Variants in DOCK7 observed in about 807,000 individuals in gnomAD.
DOCK7 encodes dedicator of cytokinesis 7.
Under a neutral mutation model 271.0 loss-of-function variants are expected in DOCK7, and 138 were observed. The ratio of observed to expected loss-of-function variants is 0.51; its 90% CI spans 0.44 to 0.59. The LOEUF (loss-of-function observed/expected upper bound fraction) is 0.59. DOCK7 is among the 20% of genes least tolerant of loss of function. The pLI, the probability that DOCK7 is intolerant of heterozygous loss-of-function variation, is 0.00. For missense variants in DOCK7, 2,066 were observed against 2,592.4 expected, an observed-to-expected ratio of 0.80 and a Z score of 4.41; for synonymous variants, 823 against 876.1, an observed-to-expected ratio of 0.94 and a Z score of 1.07.
chr1:62,685,019 G>A (rs1373494879), intron 1 of DOCK7, among the ~76,000 whole-genome samples: 1 of 152,170 alleles, frequency 6.6e-6, no homozygotes, highest in Non-Finnish European at 1.5e-5. Context: ...TTTTCACAGA[G>A]CAACAAATTT....
chr1:62,511,918 G>GTCTATTATTGA (rs1644498328), intron 33 of DOCK7, among the ~76,000 whole-genome samples: 1 of 151,994 alleles, frequency 6.6e-6, no homozygotes, highest in African/African-American at 2.4e-5. Context: ...GACCTAATAA[G>GTCTATTATTGA]CCAATGTCTA....
intron 14 of DOCK7, among the ~76,000 whole-genome samples, chr1:62,613,380 T>A (rs1040073239): frequency 6.6e-6 from 1 of 152,124 alleles, no homozygotes; most frequent in African/African-American, 2.4e-5. Flanking sequence ...CCCTCTTCAG[T>A]TAACCCTATG....
chr1:62,647,813 T>C, intron 6 of DOCK7, 37 bp from the exon 7 acceptor site: 2 of 1,381,024 alleles, frequency 1.4e-6, no homozygotes, highest in Non-Finnish European at 2.0e-6. Flanking sequence ...TGAATATGCT[T>C]ATCATATTCC....
At chr1:62,573,555 G>C (rs986789167) in intron 18 of DOCK7, among the ~76,000 whole-genome samples, 1 of 152,104 alleles carries the variant, frequency 6.6e-6, no homozygotes, top group Non-Finnish European at 1.5e-5. Flanking sequence ...ACATATAGCA[G>C]AAACACTAAA....
In DOCK7 at chr1:62,543,681, A is replaced by G; in HGVS notation, c.2924T>C (p.Leu975Ser). The change falls in exon 24 of 50, where the codon TTA (leucine) becomes TCA (serine). Residue 975 changes from leucine to serine, a missense_variant. By Grantham distance (145) the Leu-to-Ser change is moderately radical. Around this residue, in one of 2 missense-constraint regions of DOCK7, gnomAD observed 1,414 missense variants for 1,670.4 expected, o/e 0.85. Coordinates refer to ENST00000635253, the MANE Select transcript of DOCK7 (RefSeq NM_001367561.1). ...HTETSSFLQT[L>S]TGRLPTKKLF... ...CTTTTTAGTTGGTAAGCGTCCCGTT[A>G]ATGTTTGTAAGAAACTTGACGTCTC... 1 of 1,604,200 alleles carries G rather than the reference A, an allele frequency of 6.2e-7. No homozygotes were observed. The highest frequency in any genetic ancestry group is 8.5e-7 in the Non-Finnish European group (1 of 1,172,698).
intron 14 of DOCK7, chr1:62,598,164 GA>G (rs1649571314): frequency 9.1e-7 from 1 of 1,099,696 alleles, no homozygotes; most frequent in South Asian, 2.5e-5. Flanking sequence ...TTGCATTGTT[GA>G]AATACTTTTT....
chr1:62,586,687 C>A (rs1197763064), intron 14 of DOCK7, 63 bp from the exon 15 acceptor site: 2 of 911,152 alleles, frequency 2.2e-6, no homozygotes, highest in East Asian at 5.3e-5. Flanking sequence ...GTATCACTCA[C>A]AAAATACCAC....
rs1445424043 is a variant in DOCK7, at chr1:62,631,325, A to C, written c.1197T>G (p.Ala399=). ...QRLGKYRMPF[A]WTAIHLMNIV... ...TATTCATTAAATGGATTGCAGTCCAAGCAAAAGGCATGCGATATTTCCCAA... is the reference window on the plus strand; with the variant it reads ...TATTCATTAAATGGATTGCAGTCCACGCAAAAGGCATGCGATATTTCCCAA... The change falls in exon 11 of 50, where the codon GCT becomes GCG. Residue 399 remains alanine (A), a synonymous_variant. Coordinates refer to ENST00000635253, the MANE Select transcript of DOCK7 (RefSeq NM_001367561.1). 2.5e-6 allele frequency: 4 copies of C among 1,613,578 alleles called. No homozygotes were observed. The Admixed American group carries it at 6.7e-5, about 27-fold the overall frequency.
At chr1:62,499,928 A>G (rs1368436877) in intron 37 of DOCK7, among the ~76,000 whole-genome samples, 1 of 60,662 alleles carries the variant, frequency 1.6e-5, no homozygotes, top group African/African-American at 5.3e-5. Flanking sequence ...GAAGTTGTAA[A>G]ACTGTTCTGA....
In DOCK7 at chr1:62,525,712, C is replaced by T. The variant is rs74983166; in HGVS notation, c.3936+2439G>A. 5.1e-3 allele frequency among the ~76,000 whole-genome samples: 781 copies of T among 152,218 alleles called. 7 individuals carry two copies. The highest frequency in any genetic ancestry group is 0.018 in the African/African-American group (742 of 41,546). ...GTTTATTTTATTATTACATTTTGTA[C>T]ATGCACTTTATTGTATTATTTTATA... On this transcript the variant is annotated intron_variant, in intron 31 of 49. Coordinates refer to ENST00000635253, the MANE Select transcript of DOCK7 (RefSeq NM_001367561.1).
intron 40 of DOCK7, among the ~76,000 whole-genome samples, 193 bp downstream of exon 40, chr1:62,494,082 A>T (rs1417225041): frequency 6.6e-6 from 1 of 152,240 alleles, no homozygotes; most frequent in Admixed American, 6.5e-5. Flanking sequence ...AAACTGTGGA[A>T]AGAGAATCAA....
Position 62,488,980 on chromosome 1 carries a change from G to A in DOCK7, c.5447C>T (p.Thr1816Ile). The A allele has an allele frequency of 6.2e-7, 1 of 1,613,548 alleles. No homozygotes were observed. Among genetic ancestry groups the A allele is most frequent in the Non-Finnish European group, 8.5e-7 (1 of 1,179,794 alleles). The stretch of plus-strand genomic sequence containing the variant: ...TGCTTCTTGAAGTTTACCATGAATT[G>A]TGGATAGTTTCTTTGCATCCCGATT... ...EANRDAKKLS[T>I]IHGKLQEAFS... Residue 1816 changes from threonine (T) to isoleucine (I), a missense_variant, in exon 42 of 50, where the codon ACA becomes ATA. Thr to Ile is a moderately conservative substitution (Grantham distance 89). Coordinates refer to ENST00000635253, the MANE Select transcript of DOCK7 (RefSeq NM_001367561.1).
chr1:62,473,957 T>C (rs1247082147), intron 48 of DOCK7, 25 bp downstream of exon 48: 1 of 1,588,512 alleles, frequency 6.3e-7, no homozygotes, highest in East Asian at 2.2e-5. Flanking sequence ...AATTTGAAGA[T>C]CTTTACGCAG....
intron 1 of DOCK7, among the ~76,000 whole-genome samples, chr1:62,665,939 G>A (rs1265032031): frequency 2.6e-5 from 4 of 151,710 alleles, no homozygotes; most frequent in African/African-American, 7.3e-5. Flanking sequence ...CGAGGCGGGC[G>A]GATCACAAGG....
At chr1:62,665,089 C>A (rs547972778) in intron 1 of DOCK7, among the ~76,000 whole-genome samples, 47 of 152,252 alleles carry the variant, frequency 3.1e-4, no homozygotes, top group Admixed American at 6.5e-4. Context: ...CAGGTTCAAG[C>A]GATTCTCCTG....
Position 62,578,817 on chromosome 1 carries a change from A to T in DOCK7, c.2010+11T>A, listed in dbSNP as rs746471620. ...GCTCTTTGATCTAAATATTGAACCAAAAGGACTCACTGTATATCCAACTGG... is the reference window on the plus strand; with the variant it reads ...GCTCTTTGATCTAAATATTGAACCATAAGGACTCACTGTATATCCAACTGG... On this transcript the variant is annotated intron_variant, in intron 17 of 49. Coordinates refer to ENST00000635253, the MANE Select transcript of DOCK7 (RefSeq NM_001367561.1). The T allele has an allele frequency of 6.3e-7, 1 of 1,583,010 alleles. No individual in the cohort carries two copies. The highest frequency in any genetic ancestry group is 8.5e-7 in the Non-Finnish European group (1 of 1,169,914).
At position 62,654,033 on chromosome 1, in the gene DOCK7, A is replaced by G. The variant is rs997025853; in HGVS notation, c.271T>C (p.Tyr91His). 6.2e-7 allele frequency: 1 copy of G among 1,613,948 alleles called. No homozygotes were observed. Among genetic ancestry groups the G allele is most frequent in the Non-Finnish European group, 8.5e-7 (1 of 1,179,902 alleles). ...EFPPDDIEVV[Y>H]SPRDCRTLVS... is the part of the protein sequence containing the mutation. ...AGAGTTCTGCAGTCCCGAGGACTAT[A>G]AACAACTTCAATATCATCTGGAGGA... Residue 91 changes from tyrosine to histidine, a missense_variant, in exon 3 of 50, where the codon TAT (tyrosine) becomes CAT (histidine). Coordinates refer to ENST00000635253, the MANE Select transcript of DOCK7 (RefSeq NM_001367561.1).
At chr1:62,596,139 T>C (rs917248436) in intron 14 of DOCK7, among the ~76,000 whole-genome samples, 1 of 152,182 alleles carries the variant, frequency 6.6e-6, no homozygotes, top group Non-Finnish European at 1.5e-5. Context: ...TTTTGAGCAC[T>C]ACCTGTTTGC....
intron 22 of DOCK7, among the ~76,000 whole-genome samples, chr1:62,548,954 T>G (rs993538292): frequency 1.3e-5 from 2 of 152,120 alleles, no homozygotes; most frequent in Non-Finnish European, 2.9e-5. Flanking sequence ...CAGAGAGAGA[T>G]CTGTACTGGA....
Sources: gnomAD v4.1 joint callset for allele counts (sites outside exome capture counted in the v4.1 genomes callset) on GRCh38, gnomAD v4.1.1 for gene constraint, gnomAD v4.1.1 regional missense constraint, MANE v1.5 for transcripts, NCBI Gene and HGNC (gene_info 2026-07-23, HGNC 2026-07-21) for gene names.